FAM200B: variants seen among roughly 807,000 people sequenced by gnomAD.
FAM200B encodes protein FAM200B.
FAM200B carries 32 observed loss-of-function variants against 33.1 expected under a neutral mutation model. The observed-to-expected ratio is 0.97, with a 90% CI of 0.73 to 1.30. The LOEUF (loss-of-function observed/expected upper bound fraction) is 1.30. FAM200B is among the 50% of genes most tolerant of loss of function. FAM200B has a pLI of 0.00. For missense variants in FAM200B, 741 were observed against 754.0 expected, an observed-to-expected ratio of 0.98 and a Z score of 0.20; for synonymous variants, 240 against 264.8, an observed-to-expected ratio of 0.91 and a Z score of 0.91.
the FAM200B span, chr4:15,641,511 T>C: frequency 2.6e-6 from 1 of 385,946 alleles, no homozygotes; most frequent in South Asian, 1.9e-5. Flanking sequence ...TAACATTCTT[T>C]TCTCTAGCTT....
chr4:15,662,853 T>C, the FAM200B span, among the ~76,000 whole-genome samples: 1 of 152,182 alleles, frequency 6.6e-6, no homozygotes, highest in African/African-American at 2.4e-5. Flanking sequence ...GGCTAAACAT[T>C]ATTCCCAGAT....
At chr4:15,647,892 C>T in the FAM200B span, among the ~76,000 whole-genome samples, 1 of 152,148 alleles carries the variant, frequency 6.6e-6, no homozygotes, top group Non-Finnish European at 1.5e-5. Flanking sequence ...CTTGCTCTGA[C>T]ACCCAGGCTG....
the FAM200B span, among the ~76,000 whole-genome samples, chr4:15,656,946 G>A: frequency 0.065 from 9,802 of 150,170 alleles, 587 homozygotes; most frequent in East Asian, 0.22. Context: ...GGATCTGACA[G>A]TACCCCCAGA....
the FAM200B span, among the ~76,000 whole-genome samples, chr4:15,636,934 T>G: frequency 2.0e-5 from 3 of 152,182 alleles, no homozygotes; most frequent in African/African-American, 7.2e-5. Flanking sequence ...ATTAACTTCC[T>G]CTTACAAAGG....
chr4:15,643,933 A>G, the FAM200B span, among the ~76,000 whole-genome samples: 1 of 152,214 alleles, frequency 6.6e-6, no homozygotes, highest in Non-Finnish European at 1.5e-5. Flanking sequence ...TTAAACAGTA[A>G]TAAAGAGGTA....
chr4:15,676,973 T>C (rs1319681846), upstream of FAM200B, among the ~76,000 whole-genome samples: 1 of 152,226 alleles, frequency 6.6e-6, no homozygotes, highest in African/African-American at 2.4e-5. Flanking sequence ...ATATGTTCTA[T>C]ATTTATTAAG....
At chr4:15,644,847 T>G in the FAM200B span, 1 of 635,092 alleles carries the variant, frequency 1.6e-6, no homozygotes, top group Admixed American at 3.0e-5. Flanking sequence ...TAAAAGAAAT[T>G]CATAAATTAA....
At chr4:15,648,374 T>C in the FAM200B span, among the ~76,000 whole-genome samples, 1 of 152,174 alleles carries the variant, frequency 6.6e-6, no homozygotes, top group African/African-American at 2.4e-5. Context: ...AGCAATCCCA[T>C]TCCTGAGTAT....
At chr4:15,645,713 T>C in the FAM200B span, among the ~76,000 whole-genome samples, 1 of 152,026 alleles carries the variant, frequency 6.6e-6, no homozygotes, top group South Asian at 2.1e-4. Flanking sequence ...AGGTATAAGC[T>C]ACCACGCCCG....
chr4:15,664,485 T>C, the FAM200B span, among the ~76,000 whole-genome samples: 4 of 151,766 alleles, frequency 2.6e-5, no homozygotes, highest in East Asian at 7.7e-4. Context: ...CTTATAAAGT[T>C]AAATATACTG....
At chr4:15,665,382 T>C in the FAM200B span, among the ~76,000 whole-genome samples, 6 of 152,064 alleles carry the variant, frequency 3.9e-5, no homozygotes, top group Non-Finnish European at 5.9e-5. Context: ...AATCCCTCCT[T>C]CTCTCCAACA....
the FAM200B span, among the ~76,000 whole-genome samples, chr4:15,652,633 A>C: frequency 6.6e-6 from 1 of 152,220 alleles, no homozygotes; most frequent in Non-Finnish European, 1.5e-5. Context: ...CTAAAAAATA[A>C]GTAGACTAAC....
chr4:15,664,550 C>CTTTTTT, the FAM200B span, among the ~76,000 whole-genome samples: 31 of 75,518 alleles, frequency 4.1e-4, no homozygotes, highest in South Asian at 5.6e-4. Context: ...GGCCCTCATC[C>CTTTTTT]TTTTTTTTTT....
At position 15,687,716 on chromosome 4, in the gene FAM200B, T is replaced by TA; in HGVS notation, c.740dup (p.Tyr247Ter). The TA allele has an allele frequency of 6.4e-7, 1 of 1,551,122 alleles. No individual in the cohort carries two copies. The highest frequency in any genetic ancestry group is 2.0e-5 in the Admixed American group (1 of 50,958). ...CACAACACTTTTAGTTTATGTCAGATATGCGTGGCAAGATGATTTTTTGGA... is the reference window on the plus strand; with the variant it reads ...CACAACACTTTTAGTTTATGTCAGATAATGCGTGGCAAGATGATTTTTTGGA... ...SCTTLLVYVR[Y>*]AWQDDFLEDF... is the part of the protein sequence containing the mutation. Residue 247 changes from tyrosine to a stop codon, truncating the protein, a stop_gained and frameshift_variant, in exon 2 of 2, where the codon TAT becomes TAAT. Coordinates refer to ENST00000422728, the MANE Select transcript of FAM200B (RefSeq NM_001145191.2). LOFTEE classifies it high-confidence loss of function.
the FAM200B span, among the ~76,000 whole-genome samples, chr4:15,669,137 A>T: frequency 6.6e-6 from 1 of 152,216 alleles, no homozygotes; most frequent in Non-Finnish European, 1.5e-5. Flanking sequence ...ACAGGGATAC[A>T]TTTTGAGAAA....
At chr4:15,655,930 GA>G in the FAM200B span, among the ~76,000 whole-genome samples, 15 of 152,250 alleles carry the variant, frequency 9.9e-5, no homozygotes, top group African/African-American at 3.6e-4. Context: ...CGGGCTCTGA[GA>G]GCTTCGGTCC....
chr4:15,669,302 G>A, the FAM200B span, among the ~76,000 whole-genome samples: 1 of 152,110 alleles, frequency 6.6e-6, no homozygotes, highest in Non-Finnish European at 1.5e-5. Flanking sequence ...GTAACACAAA[G>A]GTTAAGTATT....
chr4:15,679,151 C>T (rs1718105660), upstream of FAM200B, among the ~76,000 whole-genome samples: 1 of 150,998 alleles, frequency 6.6e-6, no homozygotes, highest in East Asian at 1.9e-4. Flanking sequence ...CAACCTCCGC[C>T]TCCTGGGTTC....
chr4:15,682,732 C>T (rs1322934542), intron 1 of FAM200B, among the ~76,000 whole-genome samples: 1 of 152,182 alleles, frequency 6.6e-6, no homozygotes, highest in Admixed American at 6.5e-5. Context: ...TAGTTGAATG[C>T]ATGGCTGCTG....
Sources: allele counts gnomAD v4.1 joint callset (sites outside exome capture counted in the v4.1 genomes callset), GRCh38; gene constraint gnomAD v4.1.1; transcripts MANE v1.5; gene names NCBI Gene and HGNC (gene_info 2026-07-23, HGNC 2026-07-21).